The following GPR183 variants were observed in gnomAD, a reference collection of about 807,000 sequenced individuals.
The protein encoded by GPR183 is EBV-induced G-protein coupled receptor 2.
Under a neutral mutation model 19.7 loss-of-function variants are expected in GPR183, and 9 were observed. The ratio of observed to expected loss-of-function variants is 0.46; its 90% confidence interval spans 0.28 to 0.80. The LOEUF is 0.80. Among genes scored for constraint, GPR183 ranks in the 30% least tolerant of loss-of-function variants. GPR183 has a pLI of 0.13. For synonymous variants in GPR183, 160 were observed against 155.1 expected (o/e 1.03, Z -0.24); for missense variants, 368 against 446.7 (o/e 0.82, Z 1.59).
intron 1 of GPR183, among the ~76,000 whole-genome samples, chr13:99,305,697 A>C (rs2044322719): frequency 6.6e-6 from 1 of 152,228 alleles, no homozygotes; most frequent in Non-Finnish European, 1.5e-5. Flanking sequence ...TATGCAAGGG[A>C]TCATTACCAT....
chr13:99,294,913 C>T lies in GPR183; in HGVS notation c.*147G>A. 1.3e-6 allele frequency: 1 copy of T among 788,732 alleles called. No homozygotes were observed. The highest frequency in any genetic ancestry group is 1.9e-5 in the South Asian group (1 of 51,710). 48.9% of individuals were successfully genotyped at this position (788,732 alleles called of 1,614,324 possible). ...GCTTTATGTTGTTCTCTTGGGCTTA[C>T]TTCCGAGTTGGAGATGGGAAAGTGC... is the stretch of plus-strand genomic sequence containing the variant. On this transcript the variant is annotated 3_prime_UTR_variant, in exon 2 of 2. Coordinates refer to ENST00000376414, the MANE Select transcript of GPR183 (RefSeq NM_004951.5).
At chr13:99,300,519 G>A (rs2044242856) in intron 1 of GPR183, among the ~76,000 whole-genome samples, 1 of 152,190 alleles carries the variant, frequency 6.6e-6, no homozygotes, top group South Asian at 2.1e-4. Context: ...TCTTATATCA[G>A]CCAGTCCCAA....
At chr13:99,302,236 A>G (rs1482848432) in intron 1 of GPR183, among the ~76,000 whole-genome samples, 1 of 152,222 alleles carries the variant, frequency 6.6e-6, no homozygotes, top group Non-Finnish European at 1.5e-5. Flanking sequence ...GATCTGATAC[A>G]CTGTCCTTGG....
chr13:99,297,069 T>C (rs2044186331), intron 1 of GPR183, among the ~76,000 whole-genome samples: 1 of 152,242 alleles, frequency 6.6e-6, no homozygotes, highest in Non-Finnish European at 1.5e-5. Context: ...TCTTCCAATG[T>C]GTCAATGCAT....
intron 1 of GPR183, among the ~76,000 whole-genome samples, chr13:99,297,135 G>T (rs1047013785): frequency 6.6e-6 from 1 of 152,056 alleles, no homozygotes; most frequent in Non-Finnish European, 1.5e-5. Flanking sequence ...TTCTTTTCTT[G>T]TTATAAATAA....
At chr13:99,302,771 A>G (rs2044275440) in intron 1 of GPR183, among the ~76,000 whole-genome samples, 1 of 152,202 alleles carries the variant, frequency 6.6e-6, no homozygotes, top group African/African-American at 2.4e-5. Context: ...CTTCATTAGT[A>G]AAGTCAAATT....
chr13:99,299,787 A>G (rs182781978), intron 1 of GPR183, among the ~76,000 whole-genome samples: 1 of 152,270 alleles, frequency 6.6e-6, no homozygotes, highest in African/African-American at 2.4e-5. Flanking sequence ...CAGCAGCCCT[A>G]TGAGCTTGAG....
chr13:99,304,025 C>T (rs1267688511), intron 1 of GPR183, among the ~76,000 whole-genome samples: 4 of 152,160 alleles, frequency 2.6e-5, no homozygotes, highest in African/African-American at 7.2e-5. Context: ...CCCGCAGCCA[C>T]GGCAGCAGCT....
Position 99,294,740 on chromosome 13 carries a change from C to A in GPR183, c.*320G>T. 1 of 203,300 alleles carries A rather than the reference C, an allele frequency of 4.9e-6. No homozygotes were observed. Among genetic ancestry groups the A allele is most frequent in the South Asian group, 9.9e-5 (1 of 10,108 alleles). The allele number at this position is 203,300 out of a possible 1,614,324, so 12.6% of individuals were successfully genotyped here. On this transcript the variant is annotated 3_prime_UTR_variant, in exon 2 of 2. Coordinates refer to ENST00000376414, the MANE Select transcript of GPR183 (RefSeq NM_004951.5). Reference sequence around the variant, plus strand: ...TATAATCTATTCAGTCCTTTCTAGCCATTTGTTGGCAAGAAATAATAATTA... The same window carrying A: ...TATAATCTATTCAGTCCTTTCTAGCAATTTGTTGGCAAGAAATAATAATTA...
intron 1 of GPR183, among the ~76,000 whole-genome samples, chr13:99,305,191 A>G (rs1234208466): frequency 6.6e-6 from 1 of 152,230 alleles, no homozygotes; most frequent in Non-Finnish European, 1.5e-5. Context: ...TACTTTTTAG[A>G]TATTTGCAGA....
At chr13:99,304,827 C>G (rs948704126) in intron 1 of GPR183, among the ~76,000 whole-genome samples, 1 of 152,158 alleles carries the variant, frequency 6.6e-6, no homozygotes, top group Non-Finnish European at 1.5e-5. Flanking sequence ...ACATTCAGTA[C>G]AATACATTTT....
chr13:99,306,574 A>T (rs1265155275), intron 1 of GPR183, among the ~76,000 whole-genome samples: 1 of 152,152 alleles, frequency 6.6e-6, no homozygotes, highest in Non-Finnish European at 1.5e-5. Flanking sequence ...CTTTAAAGGA[A>T]GTCTCTTCAC....
intron 1 of GPR183, among the ~76,000 whole-genome samples, chr13:99,305,934 C>T (rs1284901561): frequency 6.6e-6 from 1 of 152,086 alleles, no homozygotes; most frequent in Non-Finnish European, 1.5e-5. Flanking sequence ...CTCGCATGGT[C>T]GCCCAGGCTA....
rs117648842 is a variant in GPR183 at position 99,301,786 on chromosome 13, T to C, written c.-19+5554A>G. ...AATTTACTCGTTCAAGTAATTAAAGTGTTTTCTTAGCCTTTAATTTGGGCA... is the reference window on the plus strand; with the variant it reads ...AATTTACTCGTTCAAGTAATTAAAGCGTTTTCTTAGCCTTTAATTTGGGCA... On this transcript the variant is annotated intron_variant, in intron 1 of 1. Transcript: ENST00000376414. 3.1e-4 allele frequency among the ~76,000 whole-genome samples: 47 copies of C among 152,378 alleles called. 3 individuals carry two copies. In the East Asian group the frequency reaches 7.1e-3, roughly 23 times the overall value.
At chr13:99,303,933 C>G (rs1356741952) in intron 1 of GPR183, among the ~76,000 whole-genome samples, 1 of 152,198 alleles carries the variant, frequency 6.6e-6, no homozygotes, top group Non-Finnish European at 1.5e-5. Flanking sequence ...GGTCAGCGAG[C>G]AGTCCCTGTG....
intron 1 of GPR183, among the ~76,000 whole-genome samples, chr13:99,296,452 G>A (rs1441245635): frequency 2.0e-5 from 3 of 152,298 alleles, no homozygotes; most frequent in South Asian, 4.1e-4. Context: ...TAGGGCAAAC[G>A]CACTTTTGTG....
At position 99,295,173 on chromosome 13, in the gene GPR183, G is replaced by A. The variant is rs779711866; in HGVS notation, c.973C>T (p.Arg325Trp). Residue 325 changes from arginine (R) to tryptophan (W), a missense_variant, in exon 2 of 2, where the codon CGG (arginine) becomes TGG (tryptophan). By Grantham distance (101) the Arg-to-Trp change is moderately radical. Coordinates refer to ENST00000376414, the MANE Select transcript of GPR183 (RefSeq NM_004951.5). This position sits in a 1 kb window ranked among gnomAD's most constrained non-coding sequence, Gnocchi z 4.1. ...YKRKVMRMLK[R>W]QVSVSISSAV... ...CTAGAAATCGATACACTGACTTGCCGTTTCAGCATCCTCATAACCTTTCTC... is the reference window on the plus strand; with the variant it reads ...CTAGAAATCGATACACTGACTTGCCATTTCAGCATCCTCATAACCTTTCTC... 2.0e-5 allele frequency: 32 copies of A among 1,613,984 alleles called. No individual in the cohort carries two copies. Among genetic ancestry groups the A allele is most frequent in the Non-Finnish European group, 2.5e-5 (29 of 1,180,010 alleles).
Position 99,295,025 on chromosome 13 carries a change from A to G in GPR183, c.*35T>C, listed in dbSNP as rs2044146690. The G allele has an allele frequency of 1.3e-6, 2 of 1,567,220 alleles. No individual in the cohort carries two copies. Among genetic ancestry groups the G allele is most frequent in the African/African-American group, 2.7e-5 (2 of 73,136 alleles). ...GGAAGTCCTGCAAAGTTTGTCATACAGTTTACGTCACTATAAACCAAAATA... is the reference window on the plus strand; with the variant it reads ...GGAAGTCCTGCAAAGTTTGTCATACGGTTTACGTCACTATAAACCAAAATA... On this transcript the variant is annotated 3_prime_UTR_variant, in exon 2 of 2. Coordinates refer to ENST00000376414, the MANE Select transcript of GPR183 (RefSeq NM_004951.5). This position sits in a 1 kb window ranked among gnomAD's most constrained non-coding sequence, Gnocchi z 4.1.
In GPR183 at chr13:99,295,876, G is replaced by A. The variant is rs1008501925; in HGVS notation, c.270C>T (p.Tyr90=). The A allele has an allele frequency of 2.5e-6, 4 of 1,610,018 alleles. No individual in the cohort carries two copies. Among genetic ancestry groups the A allele is most frequent in the African/African-American group, 2.7e-5 (2 of 74,830 alleles). ...TTCTCCAGTCAAAGCCCATTGCATA[G>A]TAGGCTATTCGTGTAGGCAAAGCGG... ...FTTALPTRIA[Y]YAMGFDWRIG... Residue 90 remains tyrosine (Y), a synonymous_variant, in exon 2 of 2, where the codon TAC becomes TAT. Transcript: ENST00000376414. The surrounding 1 kb of genome is among the most constrained non-coding windows in gnomAD (Gnocchi z 4.1).
Sources: gnomAD v4.1 joint callset for allele counts (sites outside exome capture counted in the v4.1 genomes callset) on GRCh38, gnomAD v4.1.1 for gene constraint, Gnocchi (gnomAD v3.1) non-coding constraint, MANE v1.5 for transcripts, NCBI Gene and HGNC (gene_info 2026-07-23, HGNC 2026-07-21) for gene names.